GRM7: variants seen among roughly 807,000 people sequenced by gnomAD.
The protein encoded by GRM7 is metabotropic glutamate receptor 7.
In GRM7, 35 loss-of-function variants were observed where a neutral mutation model predicts 84.5. The ratio of observed to expected loss-of-function variants is 0.41; its 90% CI spans 0.32 to 0.55. The LOEUF is 0.55. Among genes scored for constraint, GRM7 ranks in the 20% least tolerant of loss-of-function variants. GRM7 has a pLI of 0.19. For synonymous variants in GRM7, 487 were observed against 455.1 expected, an observed-to-expected ratio of 1.07 and a Z score of -0.89; for missense variants, 1,003 against 1,194.6, an observed-to-expected ratio of 0.84 and a Z score of 2.36.
intron 7 of GRM7, among the ~76,000 whole-genome samples, chr3:7,571,562 T>G (rs1469929963): frequency 6.6e-6 from 1 of 152,222 alleles, no homozygotes; most frequent in Non-Finnish European, 1.5e-5. Context: ...TGGATTTCAT[T>G]GTCCATATCA....
At chr3:7,178,314 TC>T (rs1203809403) in intron 2 of GRM7, among the ~76,000 whole-genome samples, 1 of 152,212 alleles carries the variant, frequency 6.6e-6, no homozygotes, top group African/African-American at 2.4e-5. Context: ...TTGCCTTGTT[TC>T]TGCCACTCTC....
intron 1 of GRM7, among the ~76,000 whole-genome samples, chr3:6,975,658 T>C (rs1366004995): frequency 6.6e-6 from 1 of 152,154 alleles, no homozygotes; most frequent in East Asian, 1.9e-4. Context: ...TGCTCTCTGA[T>C]GTTTTCTATT....
chr3:7,148,401 A>G (rs1233724806), intron 2 of GRM7, among the ~76,000 whole-genome samples: 1 of 152,202 alleles, frequency 6.6e-6, no homozygotes, highest in Non-Finnish European at 1.5e-5. Context: ...GTTAAAAGTG[A>G]GCCTCAAATT....
intron 4 of GRM7, among the ~76,000 whole-genome samples, chr3:7,345,503 C>T (rs1470950968): frequency 2.6e-5 from 4 of 151,978 alleles, no homozygotes; most frequent in South Asian, 2.1e-4. Context: ...AGGCTGGTCT[C>T]GAACTCCTGA....
intron 4 of GRM7, among the ~76,000 whole-genome samples, chr3:7,390,189 C>G (rs1467492164): frequency 1.3e-5 from 2 of 152,082 alleles, no homozygotes; most frequent in African/African-American, 4.8e-5. Flanking sequence ...CCCCCAATCT[C>G]TTCTGGATTG....
intron 1 of GRM7, among the ~76,000 whole-genome samples, chr3:7,075,546 T>TGTGTGTGTGTGTG (rs1698041916): frequency 1.1e-5 from 1 of 90,686 alleles, no homozygotes; most frequent in Non-Finnish European, 2.3e-5. Context: ...GTGTGTGTGT[T>TGTGTGTGTGTGTG]TGGAGATGGA....
intron 7 of GRM7, among the ~76,000 whole-genome samples, chr3:7,523,945 A>G (rs1700694830): frequency 6.6e-6 from 1 of 152,058 alleles, no homozygotes; most frequent in African/African-American, 2.4e-5. Flanking sequence ...TTTGTTGTTA[A>G]TGCTTTTTCA....
intron 8 of GRM7, among the ~76,000 whole-genome samples, chr3:7,678,566 G>T (rs1559482367): frequency 1.3e-5 from 2 of 152,140 alleles, no homozygotes; most frequent in South Asian, 4.1e-4. Context: ...TGCTAGTAGG[G>T]AAATATGAAC....
intron 1 of GRM7, among the ~76,000 whole-genome samples, chr3:7,027,916 C>T (rs1372953185): frequency 6.6e-6 from 1 of 152,024 alleles, no homozygotes; most frequent in Admixed American, 6.6e-5. Context: ...ACTTATTTGA[C>T]CACCCCATAT....
intron 4 of GRM7, among the ~76,000 whole-genome samples, chr3:7,320,554 A>G (rs1394874328): frequency 3.3e-5 from 5 of 151,982 alleles, no homozygotes; most frequent in Non-Finnish European, 2.9e-5. Flanking sequence ...TGAGAGTTGT[A>G]TAACATGCTT....
intron 7 of GRM7, among the ~76,000 whole-genome samples, chr3:7,537,930 G>A (rs1692645211): frequency 6.6e-6 from 1 of 152,136 alleles, no homozygotes; most frequent in Non-Finnish European, 1.5e-5. Flanking sequence ...GCTGAGTTAT[G>A]TTTTGTTTCC....
At chr3:7,158,825 T>C (rs1362263838) in intron 2 of GRM7, among the ~76,000 whole-genome samples, 1 of 152,208 alleles carries the variant, frequency 6.6e-6, no homozygotes, top group African/African-American at 2.4e-5. Context: ...TAGCCTACGC[T>C]GTGTTATATT....
chr3:7,359,142 A>C (rs1693548016), intron 4 of GRM7, among the ~76,000 whole-genome samples: 1 of 121,362 alleles, frequency 8.2e-6, no homozygotes, highest in Non-Finnish European at 1.8e-5. Flanking sequence ...AAAAGAAAGG[A>C]ATTGCCTTAG....
Position 7,520,032 on chromosome 3 carries a change from G to GAGAGACAGGTGGAAGAT in GRM7, c.1515+58312_1515+58328dup, listed in dbSNP as rs1479268764. ...GCACACATCCTAAGAATGCGATCAA[G>GAGAGACAGGTGGAAGAT]AGAGACAGGTGGAAGATACGGTCCA... On this transcript the variant is annotated intron_variant, in intron 7 of 9. Coordinates refer to ENST00000357716, the MANE Select transcript of GRM7 (RefSeq NM_000844.4). The GAGAGACAGGTGGAAGAT allele has an allele frequency of 2.0e-5, 3 of 152,348 alleles. No individual in the cohort carries two copies. The South Asian group carries it at 6.2e-4, about 32-fold the overall frequency. The allele number at this position is 152,348 out of a possible 1,614,324, so 9.4% of individuals were successfully genotyped here.
At chr3:7,370,016 G>C (rs915627356) in intron 4 of GRM7, among the ~76,000 whole-genome samples, 1 of 152,060 alleles carries the variant, frequency 6.6e-6, no homozygotes, top group African/African-American at 2.4e-5. Context: ...TAACAGCAAG[G>C]CAAGTGTTGA....
At chr3:7,598,947 G>T (rs1198789256) in intron 8 of GRM7, among the ~76,000 whole-genome samples, 1 of 152,042 alleles carries the variant, frequency 6.6e-6, no homozygotes, top group Non-Finnish European at 1.5e-5. Context: ...GAGACCAAAG[G>T]GCAAGGATAA....
At chr3:6,985,715 T>G (rs2021522) in intron 1 of GRM7, among the ~76,000 whole-genome samples, 2 of 152,128 alleles carry the variant, frequency 1.3e-5, no homozygotes, top group Admixed American at 6.5e-5. Context: ...GGTGCTGAGG[T>G]AGTAAGAAAA....
intron 7 of GRM7, among the ~76,000 whole-genome samples, chr3:7,482,592 G>C (rs982550847): frequency 1.3e-5 from 2 of 152,300 alleles, no homozygotes; most frequent in East Asian, 1.9e-4. Context: ...TGGTATGAGA[G>C]GCTATAAGAT....
intron 5 of GRM7, among the ~76,000 whole-genome samples, chr3:7,443,724 T>G (rs963414844): frequency 6.6e-6 from 1 of 152,186 alleles, no homozygotes; most frequent in East Asian, 1.9e-4. Context: ...GGTATACATT[T>G]AGTATTGCAA....
Sources: gnomAD v4.1 joint callset for allele counts (sites outside exome capture counted in the v4.1 genomes callset) on GRCh38, gnomAD v4.1.1 for gene constraint, MANE v1.5 for transcripts, NCBI Gene and HGNC (gene_info 2026-07-23, HGNC 2026-07-21) for gene names.